The following ADGRB3 variants were observed in gnomAD, a reference collection of about 807,000 sequenced individuals.
ADGRB3 encodes the protein brain-specific angiogenesis inhibitor 3.
Under a neutral mutation model 193.4 loss-of-function variants are expected in ADGRB3, and 37 were observed. The observed-to-expected ratio is 0.19, with a 90% CI of 0.15 to 0.25. The LOEUF (loss-of-function observed/expected upper bound fraction) is 0.25, where lower values mean the gene tolerates loss of function less well. ADGRB3 is among the 10% of genes least tolerant of loss of function. The pLI, the probability that ADGRB3 is intolerant of heterozygous loss-of-function variation, is 1.00. For missense variants in ADGRB3, 1,637 were observed against 1,852.9 expected, an observed-to-expected ratio of 0.88 and a Z score of 2.14; for synonymous variants, 690 against 644.2, an observed-to-expected ratio of 1.07 and a Z score of -1.08.
chr6:69,203,131 GA>G (rs960262092), intron 17 of ADGRB3, among the ~76,000 whole-genome samples: 1 of 151,814 alleles, frequency 6.6e-6, no homozygotes, highest in Admixed American at 6.6e-5. Context: ...TATTTGATTT[GA>G]AAAAAACAAA....
chr6:68,971,241 T>C (rs929890922), intron 8 of ADGRB3, among the ~76,000 whole-genome samples: 9 of 152,176 alleles, frequency 5.9e-5, no homozygotes, highest in African/African-American at 2.2e-4. Context: ...TCCTAAACAA[T>C]ACAGTATAGC....
intron 12 of ADGRB3, among the ~76,000 whole-genome samples, chr6:69,016,511 C>T (rs1050564185): frequency 2.6e-5 from 4 of 151,808 alleles, no homozygotes; most frequent in Non-Finnish European, 4.4e-5. Flanking sequence ...TGGCAGTGAC[C>T]ATCTTGTTAC....
chr6:69,067,752 G>C (rs992976862), intron 16 of ADGRB3, among the ~76,000 whole-genome samples: 4 of 152,108 alleles, frequency 2.6e-5, no homozygotes, highest in Non-Finnish European at 4.4e-5. Context: ...GGAGATTAAA[G>C]GCTCTTCCAA....
At chr6:69,046,340 G>A (rs951238949) in intron 13 of ADGRB3, among the ~76,000 whole-genome samples, 23 of 152,066 alleles carry the variant, frequency 1.5e-4, no homozygotes, top group Admixed American at 3.9e-4. Flanking sequence ...GTAGATACAC[G>A]TGATTCTACA....
Position 69,330,490 on chromosome 6 carries a change from C to T in ADGRB3, c.3036-16C>T, listed in dbSNP as rs531982452. 3.1e-6 allele frequency: 5 copies of T among 1,597,404 alleles called. No individual in the cohort carries two copies. The highest frequency in any genetic ancestry group is 1.7e-5 in the Admixed American group (1 of 58,836). On this transcript the variant is annotated splice_polypyrimidine_tract_variant and intron_variant, in intron 22 of 31. Coordinates refer to ENST00000370598, the MANE Select transcript of ADGRB3 (RefSeq NM_001704.3). ...GTCACTAATTTTTGTTAGTTCTTAT[C>T]TAATGTCATTTTCAGCTGCTGGCTC...
chr6:68,813,187 G>C (rs1011042896), intron 3 of ADGRB3, among the ~76,000 whole-genome samples: 7 of 152,046 alleles, frequency 4.6e-5, no homozygotes, highest in Admixed American at 4.6e-4. Flanking sequence ...TTCCACTTTT[G>C]CCTCTTCCTC....
chr6:68,808,118 T>A (rs1202842342), intron 3 of ADGRB3, among the ~76,000 whole-genome samples: 2 of 152,204 alleles, frequency 1.3e-5, no homozygotes, highest in Admixed American at 6.5e-5. Flanking sequence ...CAAATAAAAT[T>A]ATTTTTATTT....
chr6:69,368,520 G>A (rs1028763683), intron 29 of ADGRB3, among the ~76,000 whole-genome samples: 2 of 152,090 alleles, frequency 1.3e-5, no homozygotes, highest in Non-Finnish European at 2.9e-5. Context: ...TCATGGGAAA[G>A]GCAGGAGGAA....
At chr6:69,167,215 A>G (rs574717954) in intron 17 of ADGRB3, among the ~76,000 whole-genome samples, 2 of 152,242 alleles carry the variant, frequency 1.3e-5, no homozygotes, top group South Asian at 4.1e-4. Context: ...TTTGTAGCCT[A>G]TAGTATAGAG....
At chr6:69,079,145 A>G (rs533681609) in intron 17 of ADGRB3, among the ~76,000 whole-genome samples, 25 of 152,166 alleles carry the variant, frequency 1.6e-4, no homozygotes, top group Admixed American at 9.8e-4. Flanking sequence ...GATTATCTCA[A>G]ACAAAGGCAT....
intron 17 of ADGRB3, among the ~76,000 whole-genome samples, chr6:69,119,136 A>G (rs1400484670): frequency 6.6e-6 from 1 of 152,254 alleles, no homozygotes; most frequent in Non-Finnish European, 1.5e-5. Context: ...TGATTTACAT[A>G]GAAGTCAGAA....
intron 17 of ADGRB3, among the ~76,000 whole-genome samples, chr6:69,165,053 T>A (rs1035006304): frequency 1.3e-5 from 2 of 151,714 alleles, no homozygotes; most frequent in African/African-American, 4.8e-5. Context: ...TCACTCCAAA[T>A]CTCTTCCACC....
At chr6:68,917,824 A>G (rs543107787) in intron 3 of ADGRB3, among the ~76,000 whole-genome samples, 65 of 152,298 alleles carry the variant, frequency 4.3e-4, no homozygotes, top group African/African-American at 1.4e-3. Flanking sequence ...TTGATATGCA[A>G]TTCAAAAGTT....
At chr6:68,794,006 A>G (rs1042589939) in intron 3 of ADGRB3, among the ~76,000 whole-genome samples, 2 of 152,160 alleles carry the variant, frequency 1.3e-5, no homozygotes, top group Non-Finnish European at 2.9e-5. Flanking sequence ...CTGCTTTCTC[A>G]AGATGCATGT....
At chr6:68,803,051 A>G (rs751593580) in intron 3 of ADGRB3, among the ~76,000 whole-genome samples, 5 of 152,110 alleles carry the variant, frequency 3.3e-5, no homozygotes, top group Non-Finnish European at 7.4e-5. Context: ...TATACTATAT[A>G]CCATATATTG....
chr6:69,042,777 C>A (rs1196089774), intron 13 of ADGRB3, among the ~76,000 whole-genome samples: 1 of 152,118 alleles, frequency 6.6e-6, no homozygotes, highest in Non-Finnish European at 1.5e-5. Flanking sequence ...ATTGATGAGA[C>A]AAGGTTCCAT....
At chr6:68,805,598 T>C (rs887853823) in intron 3 of ADGRB3, among the ~76,000 whole-genome samples, 1 of 152,146 alleles carries the variant, frequency 6.6e-6, no homozygotes, top group Non-Finnish European at 1.5e-5. Context: ...AGATGAAAGA[T>C]CCAATATCTA....
chr6:68,693,345 C>A (rs1204069355), intron 3 of ADGRB3, among the ~76,000 whole-genome samples: 2 of 151,818 alleles, frequency 1.3e-5, no homozygotes, highest in Admixed American at 6.6e-5. Context: ...AAAATGGTAG[C>A]TACTAGTGTA....
At chr6:68,668,711 A>G (rs1768860940) in intron 3 of ADGRB3, among the ~76,000 whole-genome samples, 1 of 151,892 alleles carries the variant, frequency 6.6e-6, no homozygotes, top group South Asian at 2.1e-4. Flanking sequence ...ATCGCCTGCT[A>G]GCTTACTGTT....
Sources: gnomAD v4.1 joint callset for allele counts (sites outside exome capture counted in the v4.1 genomes callset) on GRCh38, gnomAD v4.1.1 for gene constraint, MANE v1.5 for transcripts, NCBI Gene and HGNC (gene_info 2026-07-23, HGNC 2026-07-21) for gene names.